The following FAM163A variants were observed in gnomAD, a reference collection of about 807,000 sequenced individuals.
FAM163A encodes the protein protein FAM163A.
A neutral mutation model predicts 12.0 loss-of-function variants in FAM163A; 7 were observed. The observed-to-expected ratio is 0.58, with a 90% CI of 0.33 to 1.10. The LOEUF (loss-of-function observed/expected upper bound fraction) is 1.10, where lower values mean the gene tolerates loss of function less well. Ranked by LOEUF, FAM163A falls within the 50% of genes least tolerant of loss-of-function variation. The probability of loss-of-function intolerance (pLI) is 0.03; values close to 1 mark genes in which losing one functional copy is unlikely to be tolerated. For missense variants in FAM163A, 202 were observed against 218.6 expected (o/e 0.92, Z 0.48); for synonymous variants, 101 against 91.0 (o/e 1.11, Z -0.62).
At chr1:179,808,372 G>T (rs1313832276) in intron 2 of FAM163A, among the ~76,000 whole-genome samples, 1 of 152,234 alleles carries the variant, frequency 6.6e-6, no homozygotes, top group Non-Finnish European at 1.5e-5. Context: ...TGGGTCAGGA[G>T]TCCAGACATG....
At chr1:179,735,719 G>A in the FAM163A span, among the ~76,000 whole-genome samples, 1 of 151,948 alleles carries the variant, frequency 6.6e-6, no homozygotes, top group African/African-American at 2.4e-5. Context: ...TAGCCAGGAT[G>A]ATCTCCATCT....
At chr1:179,797,608 G>A (rs1692519446) in intron 1 of FAM163A, among the ~76,000 whole-genome samples, 1 of 152,108 alleles carries the variant, frequency 6.6e-6, no homozygotes, top group Non-Finnish European at 1.5e-5. Flanking sequence ...AACAAAGTAT[G>A]TGAGGTCATG....
intron 1 of FAM163A, among the ~76,000 whole-genome samples, chr1:179,767,370 G>A: frequency 6.6e-6 from 1 of 152,158 alleles, no homozygotes; most frequent in East Asian, 1.9e-4. Context: ...CTGGGAAGAT[G>A]TTCAGGGACT....
chr1:179,790,177 A>G (rs1691230612), intron 1 of FAM163A, among the ~76,000 whole-genome samples: 1 of 150,820 alleles, frequency 6.6e-6, no homozygotes, highest in Non-Finnish European at 1.5e-5. Flanking sequence ...CTGGAGGGAT[A>G]CTATTAACAG....
At chr1:179,750,493 G>T (rs962377556) in intron 1 of FAM163A, among the ~76,000 whole-genome samples, 5 of 152,178 alleles carry the variant, frequency 3.3e-5, no homozygotes, top group Non-Finnish European at 5.9e-5. Flanking sequence ...GTGACTTTGG[G>T]AGATGGGAGA....
chr1:179,798,394 TC>T (rs1238438934), intron 1 of FAM163A, among the ~76,000 whole-genome samples: 1 of 152,194 alleles, frequency 6.6e-6, no homozygotes, highest in Non-Finnish European at 1.5e-5. Context: ...CCCGTGGGGT[TC>T]CCCTGGTGTC....
intron 1 of FAM163A, among the ~76,000 whole-genome samples, chr1:179,791,389 C>A (rs1351147108): frequency 6.6e-6 from 1 of 152,194 alleles, no homozygotes; most frequent in Non-Finnish European, 1.5e-5. Context: ...CAGGCCTCTT[C>A]CCCCTGCTCT....
chr1:179,807,349 A>T (rs1571583360), intron 1 of FAM163A, among the ~76,000 whole-genome samples: 1 of 152,138 alleles, frequency 6.6e-6, no homozygotes, highest in African/African-American at 2.4e-5. Flanking sequence ...ACTGGGAAAA[A>T]TAGGCCCGGG....
the FAM163A span, among the ~76,000 whole-genome samples, chr1:179,731,939 A>T: frequency 2.0e-5 from 3 of 152,224 alleles, no homozygotes; most frequent in Non-Finnish European, 4.4e-5. Context: ...CATAATCTTG[A>T]GTCAGCCAGC....
chr1:179,762,345 A>G (rs938952345), intron 1 of FAM163A, among the ~76,000 whole-genome samples: 6 of 152,130 alleles, frequency 3.9e-5, no homozygotes, highest in African/African-American at 7.2e-5. Flanking sequence ...GCTGCAGAGA[A>G]TTGGGATCAT....
At chr1:179,788,943 C>T (rs534368235) in intron 1 of FAM163A, among the ~76,000 whole-genome samples, 1 of 152,320 alleles carries the variant, frequency 6.6e-6, no homozygotes, top group East Asian at 1.9e-4. Flanking sequence ...TGAGCCCTTG[C>T]TTGCCCACCA....
At chr1:179,761,691 G>A (rs1686835652) in intron 1 of FAM163A, among the ~76,000 whole-genome samples, 1 of 152,196 alleles carries the variant, frequency 6.6e-6, no homozygotes, top group Admixed American at 6.5e-5. Context: ...GAAACTCCAA[G>A]AACACTGTCC....
the FAM163A span, among the ~76,000 whole-genome samples, chr1:179,732,858 G>A: frequency 5.9e-5 from 7 of 117,988 alleles, no homozygotes; most frequent in African/African-American, 2.3e-4. Context: ...TCCAGCCTGG[G>A]CAACAGAGTG....
At chr1:179,802,155 A>G (rs1212051471) in intron 1 of FAM163A, among the ~76,000 whole-genome samples, 1 of 152,212 alleles carries the variant, frequency 6.6e-6, no homozygotes, top group Non-Finnish European at 1.5e-5. Flanking sequence ...AAGATCTGTC[A>G]CATCTTATTG....
chr1:179,809,959 A>C (rs995288550), intron 2 of FAM163A, among the ~76,000 whole-genome samples: 2 of 152,192 alleles, frequency 1.3e-5, no homozygotes, highest in Non-Finnish European at 2.9e-5. Flanking sequence ...TCGAACAGTG[A>C]CGCTCAAGTC....
intron 1 of FAM163A, among the ~76,000 whole-genome samples, chr1:179,805,890 T>A: frequency 6.6e-6 from 1 of 152,216 alleles, no homozygotes; most frequent in South Asian, 2.1e-4. Flanking sequence ...CTTCACCCAC[T>A]CAAGCACTGC....
At chr1:179,809,022 G>T (rs368703296) in intron 2 of FAM163A, among the ~76,000 whole-genome samples, 3 of 152,264 alleles carry the variant, frequency 2.0e-5, no homozygotes, top group African/African-American at 7.2e-5. Context: ...TGGGAGGATC[G>T]CTTGGGCCCT....
At chr1:179,775,195 T>A (rs1424581156) in intron 1 of FAM163A, among the ~76,000 whole-genome samples, 1 of 152,192 alleles carries the variant, frequency 6.6e-6, no homozygotes, top group East Asian at 1.9e-4. Context: ...ACAAACGGTC[T>A]GATTGGTTGC....
chr1:179,807,132 G>A (rs2148348747), intron 1 of FAM163A, among the ~76,000 whole-genome samples: 1 of 151,862 alleles, frequency 6.6e-6, no homozygotes, highest in South Asian at 2.1e-4. Context: ...TAGACTGATT[G>A]GTTAAATGAA....
Sources: allele counts gnomAD v4.1 joint callset (sites outside exome capture counted in the v4.1 genomes callset), GRCh38; gene constraint gnomAD v4.1.1; transcripts MANE v1.5; gene names NCBI Gene and HGNC (gene_info 2026-07-23, HGNC 2026-07-21).